Variants in OXCT1 observed in about 807,000 individuals in gnomAD.
OXCT1 encodes the protein succinyl-CoA:3-ketoacid coenzyme A transferase 1, mitochondrial.
Under a neutral mutation model 69.6 loss-of-function variants are expected in OXCT1, and 27 were observed. The ratio of observed to expected loss-of-function variants is 0.39; its 90% confidence interval spans 0.29 to 0.54. The LOEUF (loss-of-function observed/expected upper bound fraction) is 0.54. Ranked by LOEUF, OXCT1 falls within the 20% of genes least tolerant of loss-of-function variation. The probability of loss-of-function intolerance (pLI) is 0.72; values close to 1 mark genes in which losing one functional copy is unlikely to be tolerated. For synonymous variants in OXCT1, 202 were observed against 217.8 expected, an observed-to-expected ratio of 0.93 and a Z score of 0.64; for missense variants, 437 against 650.2, an observed-to-expected ratio of 0.67 and a Z score of 3.57.
intron 7 of OXCT1, among the ~76,000 whole-genome samples, chr5:41,816,564 A>G (rs1747256046): frequency 6.6e-6 from 1 of 152,176 alleles, no homozygotes; most frequent in Non-Finnish European, 1.5e-5. Context: ...GTTAAGTTAA[A>G]TAATTCAAAC....
intron 14 of OXCT1, among the ~76,000 whole-genome samples, chr5:41,750,516 T>C (rs1029917142): frequency 1.3e-5 from 2 of 152,118 alleles, no homozygotes; most frequent in African/African-American, 4.8e-5. Context: ...CCCTTGGGGC[T>C]GATAGCTACT....
intron 7 of OXCT1, among the ~76,000 whole-genome samples, chr5:41,814,527 A>G (rs1471463603): frequency 6.6e-6 from 1 of 152,202 alleles, no homozygotes; most frequent in East Asian, 1.9e-4. Flanking sequence ...CATATACACC[A>G]TGGAATACTA....
chr5:41,806,209 A>C (rs1303148401), intron 8 of OXCT1, among the ~76,000 whole-genome samples: 8 of 152,088 alleles, frequency 5.3e-5, no homozygotes, highest in Non-Finnish European at 1.2e-4. Context: ...TCTTTGACAC[A>C]AACTCTGGCT....
At chr5:41,834,434 A>G (rs1287849899) in intron 7 of OXCT1, among the ~76,000 whole-genome samples, 7 of 151,440 alleles carry the variant, frequency 4.6e-5, no homozygotes, top group Non-Finnish European at 2.9e-5. Flanking sequence ...AAAGCTACAC[A>G]GAGACCAAAA....
At chr5:41,766,793 T>C (rs1184505938) in intron 13 of OXCT1, among the ~76,000 whole-genome samples, 1 of 152,130 alleles carries the variant, frequency 6.6e-6, no homozygotes, top group Non-Finnish European at 1.5e-5. Flanking sequence ...CCTCTAAATA[T>C]TCTGGTCTTA....
chr5:41,800,913 T>C, intron 11 of OXCT1, 109 bp downstream of exon 11: 1 of 926,214 alleles, frequency 1.1e-6, no homozygotes, highest in Non-Finnish European at 1.8e-6. Flanking sequence ...TCCTCAACAA[T>C]GAATACCATG....
In OXCT1 at chr5:41,760,218, G is replaced by A. The variant is rs184855840; in HGVS notation, c.1338+1893C>T. 2.5e-4 allele frequency among the ~76,000 whole-genome samples: 38 copies of A among 152,236 alleles called. 1 individual carries two copies. The highest frequency in any genetic ancestry group is 9.1e-4 in the African/African-American group (38 of 41,562). ...GAGCCACAAGTAAAATGTGTGAGAA[G>A]AGAAACTGTTGATTATTTTTCAAAG... On this transcript the variant is annotated intron_variant, in intron 14 of 16. Transcript: ENST00000196371.
chr5:41,819,662 C>CTT (rs750306605), intron 7 of OXCT1, among the ~76,000 whole-genome samples: 6 of 139,132 alleles, frequency 4.3e-5, no homozygotes, highest in African/African-American at 1.3e-4. Context: ...GAGCCACCTT[C>CTT]TTTTTTTTTT....
chr5:41,759,121 G>C (rs1744225390), intron 14 of OXCT1, among the ~76,000 whole-genome samples: 1 of 149,826 alleles, frequency 6.7e-6, no homozygotes, highest in African/African-American at 2.5e-5. Flanking sequence ...GAAGCTTCCT[G>C]AAAGGGCAGA....
At chr5:41,796,207 T>TA (rs1746174014) in intron 11 of OXCT1, among the ~76,000 whole-genome samples, 1 of 152,152 alleles carries the variant, frequency 6.6e-6, no homozygotes, top group Non-Finnish European at 1.5e-5. Context: ...ATAGAACTAA[T>TA]AAAATCACCT....
intron 13 of OXCT1, among the ~76,000 whole-genome samples, chr5:41,775,379 G>A (rs1745072995): frequency 6.6e-6 from 1 of 152,148 alleles, no homozygotes. Context: ...CATTTTACTT[G>A]CTATTATTGG....
chr5:41,778,907 G>A (rs1027719198), intron 13 of OXCT1, among the ~76,000 whole-genome samples: 1 of 152,150 alleles, frequency 6.6e-6, no homozygotes, highest in Non-Finnish European at 1.5e-5. Context: ...AAGAACATAT[G>A]TTAGATTTTA....
At chr5:41,794,990 AT>A (rs1197128546) in intron 11 of OXCT1, among the ~76,000 whole-genome samples, 1 of 152,172 alleles carries the variant, frequency 6.6e-6, no homozygotes, top group Admixed American at 6.5e-5. Context: ...TAGTTTTCTT[AT>A]TGTTTGGAAA....
chr5:41,803,669 G>A (rs929804659), intron 9 of OXCT1, among the ~76,000 whole-genome samples: 1 of 152,004 alleles, frequency 6.6e-6, no homozygotes, highest in Non-Finnish European at 1.5e-5. Flanking sequence ...GGTCTCTATA[G>A]TAACATTCAT....
At chr5:41,801,239 G>A (rs1404043733) in intron 10 of OXCT1, among the ~76,000 whole-genome samples, 169 bp from the exon 11 acceptor site, 2 of 152,032 alleles carry the variant, frequency 1.3e-5, no homozygotes, top group Non-Finnish European at 2.9e-5. Flanking sequence ...TGTTTCTTAT[G>A]TTAGTCTTTT....
chr5:41,772,553 AAGT>A (rs1744926592), intron 13 of OXCT1, among the ~76,000 whole-genome samples: 2 of 152,218 alleles, frequency 1.3e-5, no homozygotes, highest in South Asian at 4.1e-4. Flanking sequence ...CCTATTAAGC[AAGT>A]ATTATAGGAC....
rs960239650 is a variant in OXCT1 at position 41,810,895 on chromosome 5, C to T, written c.733-3457G>A. Reference sequence around the variant, plus strand: ...ATACACACCTGCAAAACTCTGTGTACGATACAAAGTAAGGGCTGTTGAGGG... The same window carrying T: ...ATACACACCTGCAAAACTCTGTGTATGATACAAAGTAAGGGCTGTTGAGGG... On this transcript the variant is annotated intron_variant, in intron 7 of 16. Coordinates refer to ENST00000196371, the MANE Select transcript of OXCT1 (RefSeq NM_000436.4). Among the ~76,000 whole-genome samples the T allele has an allele frequency of 4.0e-5, 6 of 151,746 alleles. 1 individual carries two copies. The South Asian group carries it at 8.3e-4, about 21-fold the overall frequency.
chr5:41,840,483 T>C lies in OXCT1; in HGVS notation c.700A>G (p.Met234Val). Residue 234 changes from methionine (M) to valine (V), a missense_variant, in exon 7 of 17, where the codon ATG becomes GTG. Met to Val is a conservative substitution (Grantham distance 21). Transcript: ENST00000196371. ...ACTGTGGTTTCTGCAGCTTTGCACA[T>C]TGGCAAGTTGAAATTCCTTGCACTT... ...RKSARNFNLP[M>V]CKAAETTVVE... 1 of 1,613,418 alleles carries C rather than the reference T, an allele frequency of 6.2e-7. No individual in the cohort carries two copies. Among genetic ancestry groups the C allele is most frequent in the Non-Finnish European group, 8.5e-7 (1 of 1,179,524 alleles).
chr5:41,857,117 A>G (rs947505000), intron 3 of OXCT1, among the ~76,000 whole-genome samples: 2 of 152,104 alleles, frequency 1.3e-5, no homozygotes, highest in Non-Finnish European at 2.9e-5. Flanking sequence ...TTCAAAGCCT[A>G]TTCAAAATCT....
Sources: allele counts gnomAD v4.1 joint callset (sites outside exome capture counted in the v4.1 genomes callset), GRCh38; gene constraint gnomAD v4.1.1; transcripts MANE v1.5; gene names NCBI Gene and HGNC (gene_info 2026-07-23, HGNC 2026-07-21).